CHIC2: variants seen among roughly 807,000 people sequenced by gnomAD.
CHIC2 encodes cysteine-rich hydrophobic domain-containing protein 2.
A neutral mutation model predicts 25.9 loss-of-function variants in CHIC2; 14 were observed. The observed-to-expected ratio is 0.54, with a 90% CI of 0.36 to 0.85. The LOEUF (loss-of-function observed/expected upper bound fraction) is 0.85. CHIC2 is among the 40% of genes least tolerant of loss of function. The pLI is 0.01. For missense variants in CHIC2, 146 were observed against 202.0 expected (o/e 0.72, Z 1.68); for synonymous variants, 70 against 72.0 (o/e 0.97, Z 0.14).
intron 4 of CHIC2, 81 bp from the exon 5 acceptor site, chr4:54,013,977 C>T (rs1033105330): frequency 1.3e-5 from 20 of 1,596,306 alleles, no homozygotes; most frequent in Middle Eastern, 1.7e-4. Flanking sequence ...GTCCACCTTT[C>T]ATATTTTTAG....
intron 3 of CHIC2, among the ~76,000 whole-genome samples, chr4:54,030,012 G>C (rs1233342710): frequency 6.6e-6 from 1 of 151,988 alleles, no homozygotes. Context: ...ACTTGAACTT[G>C]AGAGCAAAGA....
chr4:54,076,605 T>C, the CHIC2 span: 1 of 152,224 alleles, frequency 6.6e-6, no homozygotes, highest in Non-Finnish European at 1.5e-5. Flanking sequence ...ACATTGGTGT[T>C]GAGGACAATA....
At chr4:54,074,533 C>T in the CHIC2 span, among the ~76,000 whole-genome samples, 1 of 151,794 alleles carries the variant, frequency 6.6e-6, no homozygotes, top group East Asian at 1.9e-4. Flanking sequence ...CCAGCTTCAT[C>T]TGGGAACTCA....
chr4:54,035,872 A>G (rs1294145455), intron 3 of CHIC2, among the ~76,000 whole-genome samples: 3 of 152,214 alleles, frequency 2.0e-5, no homozygotes, highest in Non-Finnish European at 4.4e-5. Context: ...CTTTAGTAGT[A>G]TGACACAAAT....
upstream of CHIC2, chr4:54,065,191 T>G: frequency 2.3e-6 from 1 of 436,858 alleles, no homozygotes; most frequent in South Asian, 9.6e-5. Flanking sequence ...ATCTTATCCC[T>G]TGATCCCCTT....
At chr4:54,038,385 CAAAG>C (rs139308147) in intron 3 of CHIC2, among the ~76,000 whole-genome samples, 1,625 of 152,106 alleles carry the variant, frequency 0.011, 16 homozygotes, top group African/African-American at 0.034. Flanking sequence ...GCGCCAAACC[CAAAG>C]AAATACTTAT....
intron 3 of CHIC2, among the ~76,000 whole-genome samples, chr4:54,035,920 C>T (rs1716368959): frequency 6.6e-6 from 1 of 152,174 alleles, no homozygotes; most frequent in South Asian, 2.1e-4. Context: ...TTAATTCATT[C>T]TGCTTTTAAA....
At chr4:54,087,037 G>T in the CHIC2 span, 1 of 1,137,744 alleles carries the variant, frequency 8.8e-7, no homozygotes, top group Non-Finnish European at 1.3e-6. Flanking sequence ...GCCTCCTCAG[G>T]AAAGAAGGCA....
chr4:54,084,233 T>C, the CHIC2 span, among the ~76,000 whole-genome samples: 2 of 152,198 alleles, frequency 1.3e-5, no homozygotes, highest in African/African-American at 4.8e-5. Flanking sequence ...AGGCACTCAG[T>C]AAATAATGGT....
chr4:54,055,840 T>C lies in CHIC2; in HGVS notation c.120-6535A>G, dbSNP rs1231382692. ...GATTCAACATACGTCTGAATATCAA[T>C]GTAGCTCAAGGAGGATGGGATCTAA... is the stretch of plus-strand genomic sequence containing the variant. On this transcript the variant is annotated intron_variant, in intron 1 of 5. Coordinates refer to ENST00000263921, the MANE Select transcript of CHIC2 (RefSeq NM_012110.4). 3.9e-5 allele frequency among the ~76,000 whole-genome samples: 6 copies of C among 152,212 alleles called. No homozygotes were observed. In the East Asian group the frequency reaches 9.6e-4, roughly 24 times the overall value.
intron 3 of CHIC2, among the ~76,000 whole-genome samples, chr4:54,047,062 T>C (rs1457748696): frequency 6.6e-6 from 1 of 152,196 alleles, no homozygotes; most frequent in Non-Finnish European, 1.5e-5. Flanking sequence ...TCATCATCAC[T>C]GGCCATCAGA....
At chr4:54,080,805 A>G in the CHIC2 span, among the ~76,000 whole-genome samples, 6 of 151,368 alleles carry the variant, frequency 4.0e-5, no homozygotes. Flanking sequence ...CATGGTGACA[A>G]TGGTTAATAC....
In CHIC2 at chr4:54,063,610, T is replaced by A. The variant is rs370114890; in HGVS notation, c.119+572A>T. Among the ~76,000 whole-genome samples, 14 of 152,380 alleles carry A rather than the reference T, an allele frequency of 9.2e-5. No individual in the cohort carries two copies. The East Asian group carries it at 1.5e-3, about 17-fold the overall frequency. On this transcript the variant is annotated intron_variant, in intron 1 of 5. Transcript: ENST00000263921. ...TTGTTGTTGTAAACATATTTCTTTC[T>A]GTATATCTTAAATTTGTGTTCAACT...
At chr4:54,083,204 G>A in the CHIC2 span, among the ~76,000 whole-genome samples, 2 of 151,122 alleles carry the variant, frequency 1.3e-5, no homozygotes, top group African/African-American at 4.9e-5. Flanking sequence ...TAGTAGAGAC[G>A]GGGTTTCACT....
the CHIC2 span, among the ~76,000 whole-genome samples, chr4:54,084,493 CA>C: frequency 4.1e-5 from 6 of 147,582 alleles, no homozygotes; most frequent in Non-Finnish European, 4.5e-5. Flanking sequence ...AGAAAAATTA[CA>C]AAAAAAAAAG....
At chr4:54,023,999 T>C (rs1715983726) in intron 3 of CHIC2, among the ~76,000 whole-genome samples, 3 of 152,190 alleles carry the variant, frequency 2.0e-5, no homozygotes, top group South Asian at 2.1e-4. Context: ...TCAGATCTCA[T>C]CGTTCAGGGC....
Position 54,049,080 on chromosome 4 carries a change from T to A in CHIC2, c.205A>T (p.Asn69Tyr). 6.2e-7 allele frequency: 1 copy of A among 1,608,482 alleles called. No individual in the cohort carries two copies. Among genetic ancestry groups the A allele is most frequent in the Non-Finnish European group, 8.5e-7 (1 of 1,178,344 alleles). ...VAPEEFKASI[N>Y]RVNSCLKKNL... is the part of the protein sequence containing the mutation. The stretch of plus-strand genomic sequence containing the variant: ...TTCTTAAGACAACTGTTAACTCTGT[T>A]GATGCTGGCTTTAAATTCTTCAGGA... The change falls in exon 3 of 6, where the codon AAC (asparagine) becomes TAC (tyrosine). Residue 69 changes from asparagine (N) to tyrosine (Y), a missense_variant. Physicochemically the swap from Asn to Tyr is moderately radical, Grantham distance 143 (BLOSUM62 -2). Transcript: ENST00000263921.
intron 3 of CHIC2, among the ~76,000 whole-genome samples, chr4:54,026,240 T>G (rs753728900): frequency 1.1e-4 from 17 of 151,288 alleles, no homozygotes; most frequent in African/African-American, 3.9e-4. Context: ...AATTTTTTTG[T>G]TTTTTTTTGT....
At chr4:54,011,390 T>C (rs1159082716) in intron 5 of CHIC2, among the ~76,000 whole-genome samples, 4 of 152,154 alleles carry the variant, frequency 2.6e-5, no homozygotes, top group Non-Finnish European at 5.9e-5. Context: ...TAGCTCCCTG[T>C]TAAAATACTT....
Sources: gnomAD v4.1 joint callset for allele counts (sites outside exome capture counted in the v4.1 genomes callset) on GRCh38, gnomAD v4.1.1 for gene constraint, MANE v1.5 for transcripts, NCBI Gene and HGNC (gene_info 2026-07-23, HGNC 2026-07-21) for gene names.